NKAIN2: variants seen among roughly 807,000 people sequenced by gnomAD.
NKAIN2 encodes sodium/potassium-transporting ATPase subunit beta-1-interacting protein 2.
Under a neutral mutation model 32.6 loss-of-function variants are expected in NKAIN2, and 14 were observed. The ratio of observed to expected loss-of-function variants is 0.43; its 90% CI spans 0.28 to 0.67. The LOEUF (loss-of-function observed/expected upper bound fraction) is 0.67. Ranked by LOEUF, NKAIN2 falls within the 30% of genes least tolerant of loss-of-function variation. The pLI is 0.17. For synonymous variants in NKAIN2, 80 were observed against 87.2 expected, an observed-to-expected ratio of 0.92 and a Z score of 0.46; for missense variants, 198 against 258.3, an observed-to-expected ratio of 0.77 and a Z score of 1.60.
intron 3 of NKAIN2, among the ~76,000 whole-genome samples, chr6:124,482,782 C>T (rs1777502170): frequency 6.6e-6 from 1 of 152,126 alleles, no homozygotes; most frequent in Non-Finnish European, 1.5e-5. Context: ...AGCAATTTAC[C>T]TTCATGCTAT....
chr6:124,097,847 A>G (rs1784709327), intron 1 of NKAIN2, among the ~76,000 whole-genome samples: 2 of 152,368 alleles, frequency 1.3e-5, no homozygotes, highest in South Asian at 4.1e-4. Flanking sequence ...GGCTTACTGT[A>G]GAAGGAACCA....
At chr6:124,812,600 C>A (rs1780954178) in intron 5 of NKAIN2, among the ~76,000 whole-genome samples, 1 of 152,142 alleles carries the variant, frequency 6.6e-6, no homozygotes, top group African/African-American at 2.4e-5. Context: ...AACATCCCAG[C>A]AAGTCCCCAA....
intron 4 of NKAIN2, among the ~76,000 whole-genome samples, chr6:124,694,261 G>A (rs575567146): frequency 2.6e-5 from 4 of 152,286 alleles, no homozygotes; most frequent in South Asian, 4.1e-4. Flanking sequence ...ATGGTGAGTA[G>A]GAATAGTACT....
chr6:124,359,745 C>G (rs1291509965), intron 3 of NKAIN2, among the ~76,000 whole-genome samples: 1 of 152,074 alleles, frequency 6.6e-6, no homozygotes, highest in Non-Finnish European at 1.5e-5. Flanking sequence ...TCCTCTTTTC[C>G]TAATTGAATA....
chr6:123,839,962 T>G (rs1011034617), intron 1 of NKAIN2, among the ~76,000 whole-genome samples: 2 of 152,166 alleles, frequency 1.3e-5, no homozygotes, highest in African/African-American at 4.8e-5. Flanking sequence ...AAACTTTCCC[T>G]GCAGGTGGAT....
At chr6:124,784,291 C>T (rs1293987337) in intron 4 of NKAIN2, among the ~76,000 whole-genome samples, 2 of 152,112 alleles carry the variant, frequency 1.3e-5, no homozygotes, top group Admixed American at 6.6e-5. Context: ...CTTCACTTTT[C>T]GGATCTGGGT....
intron 1 of NKAIN2, among the ~76,000 whole-genome samples, chr6:124,017,792 C>T (rs777196525): frequency 2.6e-5 from 4 of 152,094 alleles, no homozygotes; most frequent in East Asian, 3.9e-4. Flanking sequence ...CCCGACCCCC[C>T]GGCTGTTTTC....
At chr6:124,177,377 C>A (rs1789213460) in intron 1 of NKAIN2, among the ~76,000 whole-genome samples, 1 of 152,120 alleles carries the variant, frequency 6.6e-6, no homozygotes, top group Non-Finnish European at 1.5e-5. Flanking sequence ...AGCATGATTT[C>A]TTTTAAACTT....
intron 3 of NKAIN2, among the ~76,000 whole-genome samples, chr6:124,457,705 T>C (rs553197378): frequency 6.6e-6 from 1 of 152,034 alleles, no homozygotes; most frequent in South Asian, 2.1e-4. Flanking sequence ...TTCCAACAAT[T>C]ACACTGTTTC....
chr6:124,248,882 C>CA (rs995598948), intron 1 of NKAIN2, among the ~76,000 whole-genome samples: 2 of 152,184 alleles, frequency 1.3e-5, no homozygotes, highest in African/African-American at 4.8e-5. Context: ...AAAATTACAG[C>CA]AAACTTTCTC....
intron 1 of NKAIN2, among the ~76,000 whole-genome samples, chr6:124,249,590 T>C (rs1317158275): frequency 6.6e-6 from 1 of 151,762 alleles, no homozygotes; most frequent in Non-Finnish European, 1.5e-5. Flanking sequence ...TAAAAATATT[T>C]CTAAAAATCT....
chr6:124,061,747 C>G lies in NKAIN2; in HGVS notation c.55-221258C>G, dbSNP rs368736847. Among the ~76,000 whole-genome samples, 277 of 151,854 alleles carry G rather than the reference C, an allele frequency of 1.8e-3. 1 individual carries two copies. Among genetic ancestry groups the G allele is most frequent in the South Asian group, 1.0e-2 (48 of 4,810 alleles). ...CAATAAGCCATACCAAAGAAGAGATCTAGTATGAAAATCTCAGAAGTGAGT... is the reference window on the plus strand; with the variant it reads ...CAATAAGCCATACCAAAGAAGAGATGTAGTATGAAAATCTCAGAAGTGAGT... On this transcript the variant is annotated intron_variant, in intron 1 of 6. Coordinates refer to ENST00000368417, the MANE Select transcript of NKAIN2 (RefSeq NM_001040214.3).
At chr6:124,386,090 G>A (rs894286699) in intron 3 of NKAIN2, among the ~76,000 whole-genome samples, 1 of 151,988 alleles carries the variant, frequency 6.6e-6, no homozygotes, top group Non-Finnish European at 1.5e-5. Flanking sequence ...TTTAAGATTA[G>A]AAAACAGAAA....
chr6:124,148,158 C>T lies in NKAIN2; in HGVS notation c.55-134847C>T, dbSNP rs566827871. Among the ~76,000 whole-genome samples the T allele has an allele frequency of 2.4e-4, 37 of 152,058 alleles. 1 individual carries two copies. The South Asian group carries it at 7.3e-3, about 30-fold the overall frequency. ...AAACATTCAGGAAACCTCTATTAGA[C>T]ATATTTTTCTTGTTCAAGAAATTAT... On this transcript the variant is annotated intron_variant, in intron 1 of 6. Coordinates refer to ENST00000368417, the MANE Select transcript of NKAIN2 (RefSeq NM_001040214.3).
In NKAIN2 at chr6:124,727,257, A is replaced by G. The variant is rs1038552128; in HGVS notation, c.475-64082A>G. 2.7e-3 allele frequency among the ~76,000 whole-genome samples: 415 copies of G among 152,096 alleles called. 1 individual carries two copies. Among genetic ancestry groups the G allele is most frequent in the African/African-American group, 9.2e-3 (381 of 41,472 alleles). On this transcript the variant is annotated intron_variant, in intron 4 of 6. Coordinates refer to ENST00000368417, the MANE Select transcript of NKAIN2 (RefSeq NM_001040214.3). ...AGCAACTCCAAGACACATAATTGTC[A>G]GATTCACCAAAGTTGAAATGAAGGA...
chr6:124,763,398 G>A (rs560799948), intron 4 of NKAIN2, among the ~76,000 whole-genome samples: 22 of 152,318 alleles, frequency 1.4e-4, no homozygotes, highest in Admixed American at 3.3e-4. Flanking sequence ...CATGGCAGAC[G>A]CAAAGAGGGA....
chr6:124,432,824 C>T (rs1389711712), intron 3 of NKAIN2, among the ~76,000 whole-genome samples: 1 of 151,982 alleles, frequency 6.6e-6, no homozygotes, highest in Non-Finnish European at 1.5e-5. Flanking sequence ...AGAGGTCTCT[C>T]CAGACTGCTT....
chr6:124,825,184 TGA>T lies in NKAIN2; in HGVS notation c.*1957_*1958del, dbSNP rs1562406590. On this transcript the variant is annotated 3_prime_UTR_variant, in exon 7 of 7. Coordinates refer to ENST00000368417, the MANE Select transcript of NKAIN2 (RefSeq NM_001040214.3). Reference sequence around the variant, plus strand: ...TGACTTTTAATGTGACTATTAAAAATGAGGTTTCACTGTACATTCATGCTGTG... The same window carrying T: ...TGACTTTTAATGTGACTATTAAAAATGGTTTCACTGTACATTCATGCTGTG... 2 of 152,648 alleles carry T rather than the reference TGA, an allele frequency of 1.3e-5. No homozygotes were observed. 9.5% of individuals were successfully genotyped at this position (152,648 alleles called of 1,614,324 possible).
rs138663713 is a variant in NKAIN2, at chr6:124,658,199, T to C, written c.287T>C (p.Ile96Thr). Residue 96 changes from isoleucine to threonine, a missense_variant, in exon 4 of 7, where the codon ATC becomes ACC. Transcript: ENST00000368417. ...AGDLSKETDL[I>T]LTFNISMHRS... is the part of the protein sequence containing the mutation. ...GCCTTCTTGCAGGAAACAGACCTTA[T>C]CCTGACTTTTAATATATCAATGCAC... The C allele has an allele frequency of 4.4e-6, 7 of 1,605,372 alleles. No individual in the cohort carries two copies. The African/African-American group carries it at 9.4e-5, about 21-fold the overall frequency.
Sources: gnomAD v4.1 joint callset for allele counts (sites outside exome capture counted in the v4.1 genomes callset) on GRCh38, gnomAD v4.1.1 for gene constraint, MANE v1.5 for transcripts, NCBI Gene and HGNC (gene_info 2026-07-23, HGNC 2026-07-21) for gene names.